TBC1D32: variants seen among roughly 807,000 people sequenced by gnomAD.
TBC1D32 encodes protein broad-minded.
TBC1D32 carries 151 observed loss-of-function variants against 170.3 expected under a neutral mutation model. The observed-to-expected ratio is 0.89, with a 90% CI of 0.78 to 1.01. The LOEUF is 1.01. Ranked by LOEUF, TBC1D32 falls within the 50% of genes least tolerant of loss-of-function variation. TBC1D32 has a pLI of 0.00. For synonymous variants in TBC1D32, 498 were observed against 488.0 expected, an observed-to-expected ratio of 1.02 and a Z score of -0.27; for missense variants, 1,464 against 1,457.1, an observed-to-expected ratio of 1.00 and a Z score of -0.08.
intron 24 of TBC1D32, among the ~76,000 whole-genome samples, chr6:121,148,213 C>A (rs1302978246): frequency 1.3e-5 from 2 of 152,052 alleles, no homozygotes; most frequent in African/African-American, 4.8e-5. Context: ...TCAATTCCCA[C>A]TTACGAGTGA....
chr6:121,275,551 C>T (rs1047560305), intron 15 of TBC1D32, among the ~76,000 whole-genome samples: 1 of 152,066 alleles, frequency 6.6e-6, no homozygotes, highest in Admixed American at 6.6e-5. Flanking sequence ...TAAATCAAAA[C>T]AAGATCTTTC....
At chr6:121,226,849 A>C (rs985142360) in intron 20 of TBC1D32, among the ~76,000 whole-genome samples, 8 of 152,098 alleles carry the variant, frequency 5.3e-5, no homozygotes, top group Admixed American at 2.6e-4. Context: ...CTATAGTATC[A>C]ATATTTATAC....
intron 22 of TBC1D32, among the ~76,000 whole-genome samples, chr6:121,173,593 CAGA>C (rs1389313867): frequency 6.6e-6 from 1 of 151,724 alleles, no homozygotes; most frequent in African/African-American, 2.4e-5. Context: ...CACCAAGAAG[CAGA>C]AGGAGCACAG....
At chr6:121,124,237 A>G (rs1780592427) in intron 26 of TBC1D32, among the ~76,000 whole-genome samples, 1 of 152,054 alleles carries the variant, frequency 6.6e-6, no homozygotes, top group African/African-American at 2.4e-5. Flanking sequence ...TTCCCTCAAC[A>G]TTTGTTTGTC....
chr6:121,145,989 G>T (rs1259080251), intron 24 of TBC1D32, among the ~76,000 whole-genome samples: 1 of 152,136 alleles, frequency 6.6e-6, no homozygotes, highest in Non-Finnish European at 1.5e-5. Flanking sequence ...GCTGGAGAGA[G>T]AAAACAGTTT....
Position 121,334,336 on chromosome 6 carries a change from G to A in TBC1D32, c.95C>T (p.Ser32Phe), listed in dbSNP as rs778438539. Residue 32 changes from serine (S) to phenylalanine (F), a missense_variant, in exon 1 of 32, where the codon TCC (serine) becomes TTC (phenylalanine). Physicochemically the swap from Ser to Phe is radical, Grantham distance 155 (BLOSUM62 -2). Around this residue, in one of 3 missense-constraint regions of TBC1D32, gnomAD observed 1,363 missense variants for 1,338.1 expected, o/e 1.02. Coordinates refer to ENST00000398212, the MANE Select transcript of TBC1D32 (RefSeq NM_152730.6). ...AAGAATCTCTTCGGCACACTCCAGG[G>A]AAGGGGCACCCGTGATTTTCTCCTT... is the stretch of plus-strand genomic sequence containing the variant. Reference protein sequence around the residue: ...SVKEKITGAPSLECAEEILLH... With the variant: ...SVKEKITGAPFLECAEEILLH... 7 of 1,614,078 alleles carry A rather than the reference G, an allele frequency of 4.3e-6. No homozygotes were observed. The highest frequency in any genetic ancestry group is 2.2e-5 in the South Asian group (2 of 91,092).
rs953029534 is a variant in TBC1D32, at chr6:121,294,570, T to C, written c.1231A>G (p.Arg411Gly). 1 of 1,606,920 alleles carries C rather than the reference T, an allele frequency of 6.2e-7. No homozygotes were observed. The highest frequency in any genetic ancestry group is 1.7e-5 in the Admixed American group (1 of 59,148). Residue 411 changes from arginine (R) to glycine (G), a missense_variant and splice_region_variant, in exon 11 of 32, where the codon AGA becomes GGA. Arg to Gly is a moderately radical substitution (Grantham distance 125). Around this residue, in one of 3 missense-constraint regions of TBC1D32, gnomAD observed 1,363 missense variants for 1,338.1 expected, o/e 1.02. Transcript: ENST00000398212. ...ATGTAATAGAGGAAATAATACTTAC[T>C]GCAATGCTTTGAATGTCCCAAAGTT... ...DETLGHSKHC[R>G]NKQKTFYYLG...
At chr6:121,106,717 T>G (rs1293164344) in intron 29 of TBC1D32, among the ~76,000 whole-genome samples, 1 of 152,004 alleles carries the variant, frequency 6.6e-6, no homozygotes, top group Non-Finnish European at 1.5e-5. Context: ...TCTCTAAAAC[T>G]GGGAAAGAAG....
intron 5 of TBC1D32, among the ~76,000 whole-genome samples, chr6:121,307,167 G>A (rs778886557): frequency 6.6e-5 from 10 of 151,972 alleles, no homozygotes; most frequent in Non-Finnish European, 1.3e-4. Flanking sequence ...TTGAGCCCAG[G>A]AGTTCAAGAC....
chr6:121,209,312 AGT>A (rs1039966494), intron 21 of TBC1D32, among the ~76,000 whole-genome samples: 11 of 152,282 alleles, frequency 7.2e-5, no homozygotes, highest in African/African-American at 2.6e-4. Flanking sequence ...CTTATTGATT[AGT>A]GTGTGTGAGA....
At chr6:121,290,802 A>G (rs1804720108) in intron 12 of TBC1D32, among the ~76,000 whole-genome samples, 1 of 152,082 alleles carries the variant, frequency 6.6e-6, no homozygotes, top group Non-Finnish European at 1.5e-5. Context: ...CACATACACC[A>G]TGGAATACTA....
chr6:121,253,171 T>C (rs78130242), intron 17 of TBC1D32, among the ~76,000 whole-genome samples: 1 of 152,030 alleles, frequency 6.6e-6, no homozygotes, highest in Non-Finnish European at 1.5e-5. Context: ...CACAACCCAA[T>C]GTGGGAGAAA....
rs541809392 is a variant in TBC1D32 at position 121,099,778 on chromosome 6, C to T, written c.3465+6245G>A. Among the ~76,000 whole-genome samples, 8 of 151,968 alleles carry T rather than the reference C, an allele frequency of 5.3e-5. No homozygotes were observed. The South Asian group carries it at 1.7e-3, about 32-fold the overall frequency. On this transcript the variant is annotated intron_variant, in intron 30 of 31. Transcript: ENST00000398212. ...GGGAGTCATTAAAAGGACATTTTTACATTACCTTAAAAGAAAGAATAGCAT... is the reference window on the plus strand; with the variant it reads ...GGGAGTCATTAAAAGGACATTTTTATATTACCTTAAAAGAAAGAATAGCAT...
chr6:121,241,113 T>C (rs1751677495), intron 19 of TBC1D32, among the ~76,000 whole-genome samples: 1 of 152,134 alleles, frequency 6.6e-6, no homozygotes, highest in Admixed American at 6.6e-5. Flanking sequence ...CATTAGATAA[T>C]CCTATCAGAT....
intron 31 of TBC1D32, among the ~76,000 whole-genome samples, chr6:121,084,854 T>C (rs1776020392): frequency 6.6e-6 from 1 of 152,122 alleles, no homozygotes; most frequent in South Asian, 2.1e-4. Context: ...GTTTAGATAT[T>C]CTCTGATATA....
At chr6:121,092,713 T>A (rs1473475101) in intron 30 of TBC1D32, among the ~76,000 whole-genome samples, 1 of 152,180 alleles carries the variant, frequency 6.6e-6, no homozygotes, top group Non-Finnish European at 1.5e-5. Context: ...CTTCCCTTAG[T>A]ACATGTCTGT....
chr6:121,311,992 G>A (rs555628105), intron 3 of TBC1D32, among the ~76,000 whole-genome samples: 11 of 152,174 alleles, frequency 7.2e-5, no homozygotes, highest in African/African-American at 1.4e-4. Flanking sequence ...AAGAAAATGC[G>A]GCACACATAC....
chr6:121,213,900 G>A (rs80057816), intron 21 of TBC1D32, among the ~76,000 whole-genome samples: 4,167 of 152,142 alleles, frequency 0.027, 153 homozygotes, highest in African/African-American at 0.087. Flanking sequence ...AAGGACTATA[G>A]TAATCAAAAT....
chr6:121,130,676 G>A (rs543866880), intron 25 of TBC1D32, among the ~76,000 whole-genome samples: 77 of 152,134 alleles, frequency 5.1e-4, no homozygotes, highest in African/African-American at 1.8e-3. Context: ...AACTCAGAAC[G>A]ACATACGAAT....
Sources: allele counts gnomAD v4.1 joint callset (sites outside exome capture counted in the v4.1 genomes callset), GRCh38; gene constraint gnomAD v4.1.1; regional missense constraint gnomAD v4.1.1; transcripts MANE v1.5; gene names NCBI Gene and HGNC (gene_info 2026-07-23, HGNC 2026-07-21).